ASB2: variants seen among roughly 807,000 people sequenced by gnomAD.
The protein encoded by ASB2 is ankyrin repeat and SOCS box protein 2.
In ASB2, 58 loss-of-function variants were observed where a neutral mutation model predicts 62.4. That is an observed-to-expected ratio of 0.93 (90% CI 0.75 to 1.16). The LOEUF is 1.16. Ranked by LOEUF, ASB2 falls within the 50% of genes most tolerant of loss-of-function variation. The pLI is 0.00. For missense variants in ASB2, 928 were observed against 887.9 expected (o/e 1.05, Z -0.57); for synonymous variants, 386 against 385.3 (o/e 1.00, Z -0.02).
At chr14:93,955,652 A>T (rs577796472) in intron 3 of ASB2, 1 of 158,774 alleles carries the variant, frequency 6.3e-6, no homozygotes, top group Non-Finnish European at 1.4e-5. Flanking sequence ...TCGTGAGAAC[A>T]CTTTCAGGAC....
Position 93,934,280 on chromosome 14 carries a change from G to C in ASB2, c.*376C>G, listed in dbSNP as rs760160423. ...TCTTAGTCTTTGGAGAGAAAGCTCT[G>C]AAGTCAAGTGGTGAGTTTTCCAGAA... On this transcript the variant is annotated 3_prime_UTR_variant, in exon 10 of 10. Transcript: ENST00000555019. The C allele has an allele frequency of 2.2e-5, 10 of 460,912 alleles. No individual in the cohort carries two copies. The highest frequency in any genetic ancestry group is 3.9e-5 in the Non-Finnish European group (9 of 232,354). The allele number at this position is 460,912 out of a possible 1,614,324, so 28.6% of individuals were successfully genotyped here.
rs141423806 is a variant in ASB2 at position 93,942,644 on chromosome 14, G to T, written c.1053-2972C>A. On this transcript the variant is annotated intron_variant, in intron 7 of 9. Coordinates refer to ENST00000555019, the MANE Select transcript of ASB2 (RefSeq NM_001202429.2). ...TCCTGAATCTAGCCCAACAGCAGGG[G>T]AATGGGCAGAGAGCTTTGAGCCAAC... Among the ~76,000 whole-genome samples, 259 of 152,334 alleles carry T rather than the reference G, an allele frequency of 1.7e-3. 2 individuals are homozygous for T. The highest frequency in any genetic ancestry group is 5.9e-3 in the African/African-American group (244 of 41,570).
At chr14:93,938,983 A>C in intron 8 of ASB2, 125 bp downstream of exon 8, 1 of 846,822 alleles carries the variant, frequency 1.2e-6, no homozygotes, top group Non-Finnish European at 1.7e-6. Context: ...GAAGGGTGTT[A>C]ATCACTAGTC....
chr14:93,937,983 C>T, intron 8 of ASB2, 132 bp from the exon 9 acceptor site: 2 of 930,022 alleles, frequency 2.2e-6, no homozygotes, highest in Non-Finnish European at 3.1e-6. Flanking sequence ...GAACCATGTC[C>T]CCTCAACACA....
chr14:93,938,405 A>G (rs909125754), intron 8 of ASB2, among the ~76,000 whole-genome samples: 1 of 151,834 alleles, frequency 6.6e-6, no homozygotes, highest in African/African-American at 2.4e-5. Flanking sequence ...ACACTTGGCT[A>G]ATTTTTTTGT....
chr14:93,938,279 G>T (rs1888352065), intron 8 of ASB2, among the ~76,000 whole-genome samples: 1 of 121,084 alleles, frequency 8.3e-6, no homozygotes, highest in South Asian at 2.8e-4. Context: ...CTCGCTCTGT[G>T]CCCAGGCTGG....
At chr14:93,959,582 G>C (rs540376285) in intron 2 of ASB2, among the ~76,000 whole-genome samples, 1 of 152,306 alleles carries the variant, frequency 6.6e-6, no homozygotes, top group African/African-American at 2.4e-5. Context: ...GCCTGGCCTC[G>C]GCAGGATGTG....
In ASB2 at chr14:93,959,293, CAG is replaced by C. The variant is rs1265094486; in HGVS notation, c.207-2425_207-2424del. Among the ~76,000 whole-genome samples, 3 of 152,336 alleles carry C rather than the reference CAG, an allele frequency of 2.0e-5. No individual in the cohort carries two copies. The East Asian group carries it at 5.8e-4, about 29-fold the overall frequency. On this transcript the variant is annotated intron_variant, in intron 2 of 9. Coordinates refer to ENST00000555019, the MANE Select transcript of ASB2 (RefSeq NM_001202429.2). ...AGGGAGACAAGGCCACACACAGCCACAGAGTCACAGAGGACGGGCTGAGATCG... is the reference window on the plus strand; with the variant it reads ...AGGGAGACAAGGCCACACACAGCCACAGTCACAGAGGACGGGCTGAGATCG...
At chr14:93,975,261 C>T (rs1342269282) in intron 1 of ASB2, among the ~76,000 whole-genome samples, 2 of 152,246 alleles carry the variant, frequency 1.3e-5, no homozygotes, top group Admixed American at 1.3e-4. Flanking sequence ...AGCTTCTGCC[C>T]TGCTTCAGGC....
In ASB2 at chr14:93,951,148, T is replaced by A; in HGVS notation, c.731A>T (p.Glu244Val). ...RCNRGWTALHESVSRNDLEVM... is the reference protein window; with the variant it reads ...RCNRGWTALHVSVSRNDLEVM... ...CTCCAGGTCATTGCGAGACACAGAC[T>A]CGTGCAGAGCGGTCCAGCCGCGGTT... Residue 244 changes from glutamate (E) to valine (V), a missense_variant, in exon 6 of 10, where the codon GAG becomes GTG. By Grantham distance (121) the Glu-to-Val change is moderately radical. Coordinates refer to ENST00000555019, the MANE Select transcript of ASB2 (RefSeq NM_001202429.2). 6.2e-7 allele frequency: 1 copy of A among 1,614,192 alleles called. No individual in the cohort carries two copies. The highest frequency in any genetic ancestry group is 8.5e-7 in the Non-Finnish European group (1 of 1,180,032).
chr14:93,934,675 T>G lies in ASB2; in HGVS notation c.1889A>C (p.Lys630Thr). The change falls in exon 10 of 10, where the codon AAA becomes ACA. Residue 630 changes from lysine (K) to threonine (T), a missense_variant. Physicochemically the swap from Lys to Thr is moderately conservative, Grantham distance 78. Coordinates refer to ENST00000555019, the MANE Select transcript of ASB2 (RefSeq NM_001202429.2). Reference sequence around the variant, plus strand: ...CCCCAGTTACTGGGTGTTCTCGTATTTCAGGTATCTAATCAGCCTGCCTGG... The same window carrying G: ...CCCCAGTTACTGGGTGTTCTCGTATGTCAGGTATCTAATCAGCCTGCCTGG... ...PLPGRLIRYL[K>T]YENTQ 1.9e-6 allele frequency: 3 copies of G among 1,614,146 alleles called. No homozygotes were observed. The highest frequency in any genetic ancestry group is 2.5e-6 in the Non-Finnish European group (3 of 1,180,016).
chr14:93,964,593 G>A lies in ASB2; in HGVS notation c.-54C>T. The A allele has an allele frequency of 1.3e-6, 2 of 1,498,406 alleles. No individual in the cohort carries two copies. The highest frequency in any genetic ancestry group is 3.9e-5 in the Admixed American group (2 of 50,888). The allele number at this position is 1,498,406 out of a possible 1,614,324, so 92.8% of individuals were successfully genotyped here. A position where few individuals can be genotyped will look rare whatever the true frequency, so the allele number is the denominator to read the frequency against. On this transcript the variant is annotated 5_prime_UTR_variant, in exon 2 of 10. Transcript: ENST00000555019. ...GAACAGACACCCAGTGGGGAGGAGG[G>A]AACAGCAAATCAGAAAACCCTGTGA...
chr14:93,951,276 A>G, intron 5 of ASB2, 32 bp from the exon 6 acceptor site: 1 of 1,565,460 alleles, frequency 6.4e-7, no homozygotes. Flanking sequence ...GATGGTCAGC[A>G]GGGCCTGGCA....
chr14:93,951,257 G>C lies in ASB2; in HGVS notation c.635-13C>G, dbSNP rs1888960357. On this transcript the variant is annotated splice_polypyrimidine_tract_variant and intron_variant, in intron 5 of 9. Transcript: ENST00000555019. ...TTGCGCTCGCAGGCTGTGCTCAGGG[G>C]GAAGCAGGGATGGTCAGCAGGGCCT... is the stretch of plus-strand genomic sequence containing the variant. 2.5e-6 allele frequency: 4 copies of C among 1,581,604 alleles called. No individual in the cohort carries two copies. The highest frequency in any genetic ancestry group is 1.7e-6 in the Non-Finnish European group (2 of 1,164,634).
intron 6 of ASB2, among the ~76,000 whole-genome samples, chr14:93,949,049 C>G (rs1730443148): frequency 6.6e-6 from 1 of 152,256 alleles, no homozygotes; most frequent in Admixed American, 6.5e-5. Flanking sequence ...CCTGCTTCAT[C>G]TCCTCGGGCA....
At chr14:93,960,812 A>G (rs777996390) in intron 2 of ASB2, among the ~76,000 whole-genome samples, 16 of 152,230 alleles carry the variant, frequency 1.1e-4, no homozygotes, top group Non-Finnish European at 2.1e-4. Flanking sequence ...CAGAAGACTC[A>G]GTGGACTCCA....
At chr14:93,943,791 C>T (rs1888621923) in intron 7 of ASB2, 1 of 364,336 alleles carries the variant, frequency 2.7e-6, no homozygotes. Context: ...CTCAGTTTCT[C>T]TTTTAACTAA....
intron 3 of ASB2, among the ~76,000 whole-genome samples, chr14:93,955,966 C>G (rs780441390): frequency 6.6e-6 from 1 of 152,172 alleles, no homozygotes; most frequent in Non-Finnish European, 1.5e-5. Context: ...GTCAACCACT[C>G]CACACACCCA....
At chr14:93,963,198 T>TTTG (rs199939343) in intron 2 of ASB2, among the ~76,000 whole-genome samples, 1 of 152,192 alleles carries the variant, frequency 6.6e-6, no homozygotes, top group African/African-American at 2.4e-5. Flanking sequence ...AAAAAGTCTG[T>TTTG]TTGTTGTTGT....
Sources: gnomAD v4.1 joint callset for allele counts (sites outside exome capture counted in the v4.1 genomes callset) on GRCh38, gnomAD v4.1.1 for gene constraint, MANE v1.5 for transcripts, NCBI Gene and HGNC (gene_info 2026-07-23, HGNC 2026-07-21) for gene names.